Variants in MED12L observed in about 807,000 individuals in gnomAD.
MED12L encodes mediator complex subunit 12L, also known as mediator of RNA polymerase II transcription subunit 12-like protein.
A neutral mutation model predicts 281.3 loss-of-function variants in MED12L; 60 were observed. The ratio of observed to expected loss-of-function variants is 0.21; its 90% CI spans 0.17 to 0.26. The LOEUF (loss-of-function observed/expected upper bound fraction) is 0.26. Ranked by LOEUF, MED12L falls within the 10% of genes least tolerant of loss-of-function variation. The pLI is 1.00. For missense variants in MED12L, 2,146 were observed against 2,680.9 expected (o/e 0.80, Z 4.41); for synonymous variants, 974 against 987.2 (o/e 0.99, Z 0.25).
At chr3:151,120,056 T>C (rs1363021383) in intron 3 of MED12L, among the ~76,000 whole-genome samples, 17 of 118,372 alleles carry the variant, frequency 1.4e-4, no homozygotes, top group Admixed American at 7.7e-4. Context: ...CTGTCTCTAC[T>C]AAAAAAAAAA....
chr3:151,122,779 A>G lies in MED12L; in HGVS notation c.205-4A>G. 1.3e-6 allele frequency: 2 copies of G among 1,582,132 alleles called. No homozygotes were observed. The highest frequency in any genetic ancestry group is 2.2e-5 in the East Asian group (1 of 44,506). Reference sequence around the variant, plus strand: ...CTTTCCCTTTTTTTCTCTTCTTTCCACAGATTGGAGCTTATTTTAGCAGCA... The same window carrying G: ...CTTTCCCTTTTTTTCTCTTCTTTCCGCAGATTGGAGCTTATTTTAGCAGCA... On this transcript the variant is annotated splice_region_variant and splice_polypyrimidine_tract_variant and intron_variant, in intron 3 of 44. Coordinates refer to ENST00000687756, the MANE Select transcript of MED12L (RefSeq NM_001393769.1).
intron 38 of MED12L, among the ~76,000 whole-genome samples, chr3:151,393,512 C>G (rs186944837): frequency 1.3e-5 from 2 of 151,470 alleles, no homozygotes; most frequent in Non-Finnish European, 2.9e-5. Context: ...CACAACCCCC[C>G]CTCCCACCGT....
At chr3:151,365,318 C>A in intron 22 of MED12L, 112 bp downstream of exon 22, 2 of 851,292 alleles carry the variant, frequency 2.3e-6, no homozygotes, top group Non-Finnish European at 3.8e-6. Context: ...CTATCATTTG[C>A]TTTTTCTAAA....
At chr3:151,245,975 AACAG>A (rs1291549128) in intron 16 of MED12L, among the ~76,000 whole-genome samples, 3 of 151,082 alleles carry the variant, frequency 2.0e-5, no homozygotes, top group Admixed American at 2.0e-4. Context: ...ATACACCAGC[AACAG>A]ACAAACAGAG....
intron 5 of MED12L, among the ~76,000 whole-genome samples, chr3:151,142,719 A>G (rs773923990): frequency 6.6e-6 from 1 of 152,188 alleles, no homozygotes; most frequent in Non-Finnish European, 1.5e-5. Context: ...TGTTTTTTAA[A>G]TGGCTCTAAG....
chr3:151,280,633 G>A (rs1742657760), intron 16 of MED12L, among the ~76,000 whole-genome samples: 1 of 152,052 alleles, frequency 6.6e-6, no homozygotes, highest in African/African-American at 2.4e-5. Flanking sequence ...CTTGTGAGCA[G>A]TCAGCTTGTG....
Position 151,435,473 on chromosome 3 carries a change from C to CTGAA in MED12L, c.*2670_*2673dup, listed in dbSNP as rs1720043678. The CTGAA allele has an allele frequency of 6.6e-6, 1 of 152,108 alleles. No individual in the cohort carries two copies. Among genetic ancestry groups the CTGAA allele is most frequent in the Non-Finnish European group, 1.5e-5 (1 of 68,018 alleles). The allele number at this position is 152,108 out of a possible 1,614,324, so 9.4% of individuals were successfully genotyped here. ...ACATTTTAGGCTGAGATGGGGCTAA[C>CTGAA]TGAAAGTCAGTGTGATGAAAACCCA... is the stretch of plus-strand genomic sequence containing the variant. On this transcript the variant is annotated 3_prime_UTR_variant, in exon 45 of 45. Coordinates refer to ENST00000687756, the MANE Select transcript of MED12L (RefSeq NM_001393769.1).
intron 11 of MED12L, among the ~76,000 whole-genome samples, chr3:151,178,157 C>CACAAAA (rs767097879): frequency 1.2e-4 from 6 of 49,124 alleles, no homozygotes; most frequent in East Asian, 6.4e-4. Flanking sequence ...GACTTGGTCT[C>CACAAAA]AAAAAAAAAA....
At chr3:151,196,358 T>G (rs1724657643) in intron 16 of MED12L, among the ~76,000 whole-genome samples, 1 of 152,212 alleles carries the variant, frequency 6.6e-6, no homozygotes, top group South Asian at 2.1e-4. Flanking sequence ...GGAATGCTAC[T>G]GTCTGTTTTT....
rs1748740190 is a variant in MED12L, at chr3:151,319,510, CCACCAGAAAACTTTAAAAA to C, written c.2251-30548_2251-30530del. Among the ~76,000 whole-genome samples, 5 of 132,308 alleles carry C rather than the reference CCACCAGAAAACTTTAAAAA, an allele frequency of 3.8e-5. No homozygotes were observed. In the East Asian group the frequency reaches 1.1e-3, roughly 29 times the overall value. The allele number at this position is 132,308 out of a possible 152,430, so 86.8% of individuals were successfully genotyped here. A position where few individuals can be genotyped will look rare whatever the true frequency, so the allele number is the denominator to read the frequency against. ...GTGTGTGTGTGTGTGTGTGTGTCGG[CCACCAGAAAACTTTAAAAA>C]ATTTTGTTTTGTTTTTATACTAGGG... is the stretch of plus-strand genomic sequence containing the variant. On this transcript the variant is annotated intron_variant, in intron 16 of 44. Coordinates refer to ENST00000687756, the MANE Select transcript of MED12L (RefSeq NM_001393769.1).
intron 2 of MED12L, among the ~76,000 whole-genome samples, chr3:151,104,197 A>T (rs1721730237): frequency 2.0e-5 from 3 of 152,170 alleles, no homozygotes; most frequent in Admixed American, 1.3e-4. Context: ...TGACTTTCAT[A>T]TGTGGCTTTG....
chr3:151,416,240 T>G, intron 42 of MED12L, 72 bp from the exon 43 acceptor site: 1 of 1,611,504 alleles, frequency 6.2e-7, no homozygotes, highest in South Asian at 1.1e-5. Context: ...AAAAGGTATA[T>G]GGGGGAAACA....
intron 16 of MED12L, among the ~76,000 whole-genome samples, chr3:151,307,209 A>G (rs867270554): frequency 3.6e-4 from 55 of 152,152 alleles, no homozygotes; most frequent in African/African-American, 1.1e-3. Flanking sequence ...TTGTAAATTT[A>G]TGTGTGTTTT....
chr3:151,256,818 T>G (rs1737897464), intron 16 of MED12L, among the ~76,000 whole-genome samples: 1 of 151,756 alleles, frequency 6.6e-6, no homozygotes, highest in African/African-American at 2.4e-5. Flanking sequence ...CCAGTCTGTT[T>G]TTTTTTTTTT....
chr3:151,377,972 A>G (rs1216830466), intron 30 of MED12L, 40 bp from the exon 31 acceptor site: 2 of 1,531,150 alleles, frequency 1.3e-6, no homozygotes, highest in Non-Finnish European at 8.8e-7. Flanking sequence ...AGCAGGGGAA[A>G]GGATGCTTTC....
At chr3:151,384,441 A>G (rs1434708909) in intron 35 of MED12L, among the ~76,000 whole-genome samples, 2 of 152,182 alleles carry the variant, frequency 1.3e-5, no homozygotes, top group Non-Finnish European at 2.9e-5. Context: ...AACATGTTTA[A>G]TTTTTTAAAG....
At chr3:151,362,988 T>C (rs951611249) in intron 21 of MED12L, among the ~76,000 whole-genome samples, 1 of 152,154 alleles carries the variant, frequency 6.6e-6, no homozygotes, top group East Asian at 1.9e-4. Flanking sequence ...CAGCCGTTTT[T>C]TTAATAGTGA....
intron 43 of MED12L, among the ~76,000 whole-genome samples, chr3:151,421,767 C>CT (rs1718279185): frequency 6.6e-6 from 1 of 152,000 alleles, no homozygotes; most frequent in Non-Finnish European, 1.5e-5. Flanking sequence ...AATAGTTCCA[C>CT]TAAGATGCAT....
At chr3:151,275,336 G>T (rs1055831339) in intron 16 of MED12L, among the ~76,000 whole-genome samples, 8 of 151,386 alleles carry the variant, frequency 5.3e-5, no homozygotes, top group Non-Finnish European at 1.0e-4. Context: ...ATATAATTGG[G>T]TAGAAGCCAG....
Sources: gnomAD v4.1 joint callset for allele counts (sites outside exome capture counted in the v4.1 genomes callset) on GRCh38, gnomAD v4.1.1 for gene constraint, MANE v1.5 for transcripts, NCBI Gene and HGNC (gene_info 2026-07-23, HGNC 2026-07-21) for gene names.